Variants in DCLK1 observed in about 807,000 individuals in gnomAD.
DCLK1 encodes doublecortin like kinase 1.
In DCLK1, 16 loss-of-function variants were observed where a neutral mutation model predicts 86.2. The ratio of observed to expected loss-of-function variants is 0.19; its 90% CI spans 0.13 to 0.28. The LOEUF is 0.28. Ranked by LOEUF, DCLK1 falls within the 10% of genes least tolerant of loss-of-function variation. DCLK1 has a pLI of 1.00. For synonymous variants in DCLK1, 369 were observed against 370.5 expected (o/e 1.00, Z 0.05); for missense variants, 590 against 940.2 (o/e 0.63, Z 4.87).
chr13:35,851,450 G>GTCTAGAGTTGGCTTT, intron 6 of DCLK1, among the ~76,000 whole-genome samples: 1 of 151,674 alleles, frequency 6.6e-6, no homozygotes, highest in East Asian at 1.9e-4. Flanking sequence ...TGCAGAGAGC[G>GTCTAGAGTTGGCTTT]TCTAGAGTTG....
At chr13:36,083,454 A>T (rs744523) in intron 3 of DCLK1, among the ~76,000 whole-genome samples, 1 of 151,862 alleles carries the variant, frequency 6.6e-6, no homozygotes, top group South Asian at 2.1e-4. Flanking sequence ...CATTCACTAC[A>T]CAATGATAAT....
intron 3 of DCLK1, among the ~76,000 whole-genome samples, chr13:36,089,823 C>G (rs1006129942): frequency 1.3e-5 from 2 of 152,104 alleles, no homozygotes; most frequent in South Asian, 2.1e-4. Flanking sequence ...ATAGCTAATG[C>G]GAAGTGTTGA....
At chr13:35,782,240 A>G (rs1205982061) in intron 16 of DCLK1, among the ~76,000 whole-genome samples, 1 of 152,146 alleles carries the variant, frequency 6.6e-6, no homozygotes, top group African/African-American at 2.4e-5. Flanking sequence ...CTAGCTCTGC[A>G]GTGGGTTTCT....
chr13:36,012,781 C>T (rs9565783), intron 3 of DCLK1, among the ~76,000 whole-genome samples: 8,346 of 74,986 alleles, frequency 0.11, 592 homozygotes, highest in East Asian at 0.34. Context: ...GCCTGCCTTG[C>T]TAGATTGGGG....
At chr13:35,798,213 G>T (rs984664358) in intron 15 of DCLK1, among the ~76,000 whole-genome samples, 1 of 152,176 alleles carries the variant, frequency 6.6e-6, no homozygotes, top group Admixed American at 6.5e-5. Context: ...TACTGGGGAA[G>T]AGCTGTGGGG....
chr13:35,871,929 A>G (rs1285345306), intron 4 of DCLK1, among the ~76,000 whole-genome samples: 1 of 152,240 alleles, frequency 6.6e-6, no homozygotes, highest in African/African-American at 2.4e-5. Context: ...GTGCCACCAC[A>G]TGAAGCTGCC....
chr13:35,784,879 C>T (rs1002246568), intron 16 of DCLK1, among the ~76,000 whole-genome samples: 4 of 152,164 alleles, frequency 2.6e-5, no homozygotes, highest in Admixed American at 1.3e-4. Context: ...TCACACCACA[C>T]GGAGGTTCCT....
At chr13:36,011,793 T>C (rs1398345673) in intron 3 of DCLK1, among the ~76,000 whole-genome samples, 15 of 150,296 alleles carry the variant, frequency 1.0e-4, no homozygotes, top group Non-Finnish European at 8.9e-5. Flanking sequence ...TTTGACTTTC[T>C]GTCTCGTTCA....
At chr13:35,796,816 G>A (rs2086821610) in intron 15 of DCLK1, among the ~76,000 whole-genome samples, 1 of 152,210 alleles carries the variant, frequency 6.6e-6, no homozygotes, top group East Asian at 1.9e-4. Context: ...GAAATACTCA[G>A]TGAATCATCT....
chr13:35,775,911 GAAGT>G (rs2086416982), intron 16 of DCLK1, among the ~76,000 whole-genome samples: 1 of 152,184 alleles, frequency 6.6e-6, no homozygotes. Context: ...GTTCCAAAAT[GAAGT>G]AATAAAGAGA....
chr13:36,083,418 ATC>A (rs1884486817), intron 3 of DCLK1, among the ~76,000 whole-genome samples: 1 of 152,226 alleles, frequency 6.6e-6, no homozygotes, highest in Non-Finnish European at 1.5e-5. Flanking sequence ...ACTTTGGTAG[ATC>A]AGCCTGTCGA....
chr13:35,862,218 C>A (rs1871452561), intron 5 of DCLK1, among the ~76,000 whole-genome samples: 1 of 141,862 alleles, frequency 7.0e-6, no homozygotes, highest in Admixed American at 7.1e-5. Context: ...TGACTTAGAA[C>A]AGTTATTTAT....
chr13:35,949,378 G>A (rs1334512018), intron 3 of DCLK1, among the ~76,000 whole-genome samples: 1 of 152,134 alleles, frequency 6.6e-6, no homozygotes, highest in Non-Finnish European at 1.5e-5. Flanking sequence ...AGTGCCCTTT[G>A]GAAGTGGGCT....
rs982460205 is a variant in DCLK1 at position 35,848,193 on chromosome 13, C to T, written c.1035+6306G>A. On this transcript the variant is annotated intron_variant, in intron 6 of 16. Transcript: ENST00000360631. Reference sequence around the variant, plus strand: ...CTGAAGCATTCCCCGCTCAGTAGAACAATTTAAAAATTCATTGCCGAATTT... The same window carrying T: ...CTGAAGCATTCCCCGCTCAGTAGAATAATTTAAAAATTCATTGCCGAATTT... 9.1e-6 allele frequency: 9 copies of T among 985,100 alleles called. No individual in the cohort carries two copies. In the African/African-American group the frequency reaches 1.4e-4, roughly 15 times the overall value. 61.0% of individuals were successfully genotyped at this position (985,100 alleles called of 1,614,324 possible).
chr13:35,927,919 C>T (rs1454437274), intron 4 of DCLK1, among the ~76,000 whole-genome samples: 1 of 152,134 alleles, frequency 6.6e-6, no homozygotes, highest in Non-Finnish European at 1.5e-5. Flanking sequence ...GCTTGATGAA[C>T]ACATCAGTGT....
rs116680642 is a variant in DCLK1, at chr13:35,812,512, G to A, written c.1555-1544C>T. The stretch of plus-strand genomic sequence containing the variant: ...GGCACCGCTACTGTTCACACGTCAC[G>A]TCTGCCTTCCTTTGGAAAAAGTAGA... On this transcript the variant is annotated intron_variant, in intron 11 of 16. Transcript: ENST00000360631. 1.6e-3 allele frequency among the ~76,000 whole-genome samples: 251 copies of A among 152,278 alleles called. 1 individual carries two copies. Among genetic ancestry groups the A allele is most frequent in the African/African-American group, 5.5e-3 (227 of 41,534 alleles).
chr13:36,094,198 T>C (rs151047546), intron 3 of DCLK1, among the ~76,000 whole-genome samples: 98 of 152,346 alleles, frequency 6.4e-4, no homozygotes, highest in African/African-American at 1.9e-3. Flanking sequence ...TGTTTAGTCA[T>C]AGTCAGACAG....
chr13:35,803,986 T>C (rs1291347957), intron 15 of DCLK1, among the ~76,000 whole-genome samples: 4 of 152,148 alleles, frequency 2.6e-5, no homozygotes, highest in East Asian at 1.9e-4. Context: ...GGGATTACCA[T>C]AGAAACTAGA....
At chr13:36,075,297 T>C (rs1361543888) in intron 3 of DCLK1, among the ~76,000 whole-genome samples, 1 of 152,248 alleles carries the variant, frequency 6.6e-6, no homozygotes. Flanking sequence ...GCCAGGCTCT[T>C]TTCCATTAGT....
Sources: gnomAD v4.1 joint callset for allele counts (sites outside exome capture counted in the v4.1 genomes callset) on GRCh38, gnomAD v4.1.1 for gene constraint, MANE v1.5 for transcripts, NCBI Gene and HGNC (gene_info 2026-07-23, HGNC 2026-07-21) for gene names.